PCDHA9: variants seen among roughly 807,000 people sequenced by gnomAD.
PCDHA9 encodes the protein protocadherin alpha 9, also known as protocadherin alpha-9.
In PCDHA9, 62 loss-of-function variants were observed where a neutral mutation model predicts 62.0. The observed-to-expected ratio is 1.00, with a 90% CI of 0.81 to 1.23. PCDHA9 has a LOEUF of 1.23. PCDHA9 is among the 50% of genes most tolerant of loss of function. The probability of loss-of-function intolerance (pLI) is 0.00; values close to 1 mark genes in which losing one functional copy is unlikely to be tolerated. For synonymous variants in PCDHA9, 557 were observed against 567.6 expected, an observed-to-expected ratio of 0.98 and a Z score of 0.27; for missense variants, 1,205 against 1,249.8, an observed-to-expected ratio of 0.96 and a Z score of 0.54.
intron 3 of PCDHA9, among the ~76,000 whole-genome samples, chr5:140,985,803 G>T (rs536777034): frequency 2.9e-5 from 4 of 139,766 alleles, no homozygotes; most frequent in Non-Finnish European, 6.0e-5. Context: ...GCAGTGGCAC[G>T]ATCTCAGCTC....
chr5:140,896,391 A>G (rs1438393041), intron 1 of PCDHA9, among the ~76,000 whole-genome samples: 2 of 152,040 alleles, frequency 1.3e-5, no homozygotes, highest in Non-Finnish European at 2.9e-5. Context: ...CCTCACCAGC[A>G]TCTGTTATTT....
intron 1 of PCDHA9, chr5:140,928,062 C>G: frequency 6.2e-7 from 1 of 1,614,194 alleles, no homozygotes; most frequent in Non-Finnish European, 8.5e-7. Context: ...TGACGGCTTC[C>G]TTTGACAACT....
chr5:140,976,374 A>G (rs1163913998), intron 1 of PCDHA9, among the ~76,000 whole-genome samples: 2 of 152,040 alleles, frequency 1.3e-5, no homozygotes, highest in Non-Finnish European at 2.9e-5. Context: ...AACATGGTGA[A>G]ACCCCATCTC....
At chr5:140,852,901 CA>C in intron 1 of PCDHA9, 4 of 823,926 alleles carry the variant, frequency 4.9e-6, no homozygotes, top group Non-Finnish European at 6.0e-6. Context: ...TTTTTTGAGT[CA>C]GAGTCTCGCT....
At chr5:140,935,850 G>A (rs2090589549) in intron 1 of PCDHA9, among the ~76,000 whole-genome samples, 1 of 149,422 alleles carries the variant, frequency 6.7e-6, no homozygotes, top group South Asian at 2.1e-4. Context: ...GCTTAATGGT[G>A]TCTTTTGATT....
At chr5:140,876,947 A>G in intron 1 of PCDHA9, 5 of 1,613,496 alleles carry the variant, frequency 3.1e-6, no homozygotes, top group South Asian at 1.1e-5. Flanking sequence ...CTGGTGTCCT[A>G]CTCGCTGGTG....
chr5:140,936,868 A>T (rs543976186), intron 1 of PCDHA9, among the ~76,000 whole-genome samples: 3 of 152,270 alleles, frequency 2.0e-5, no homozygotes, highest in South Asian at 2.1e-4. Flanking sequence ...TTTCTATTTT[A>T]AAAAACCCTG....
At chr5:140,931,035 C>A (rs2153606811) in intron 1 of PCDHA9, among the ~76,000 whole-genome samples, 1 of 152,250 alleles carries the variant, frequency 6.6e-6, no homozygotes, top group Non-Finnish European at 1.5e-5. Context: ...GTAGAGCTAG[C>A]AAGAAAAACT....
chr5:140,915,209 AG>A lies in PCDHA9; in HGVS notation c.2395-63739del, dbSNP rs2077027084. On this transcript the variant is annotated intron_variant, in intron 1 of 3. Coordinates refer to ENST00000532602, the MANE Select transcript of PCDHA9 (RefSeq NM_031857.2). ...TGATCCGCCCATCTTGGCCTCCCAAAGTGCTGGGATTACAGGCATGAGCCAC... is the reference window on the plus strand; with the variant it reads ...TGATCCGCCCATCTTGGCCTCCCAAATGCTGGGATTACAGGCATGAGCCAC... 2.6e-5 allele frequency among the ~76,000 whole-genome samples: 4 copies of A among 152,034 alleles called. No individual in the cohort carries two copies. The South Asian group carries it at 8.3e-4, about 32-fold the overall frequency.
intron 1 of PCDHA9, chr5:140,883,301 G>C (rs1380648584): frequency 1.2e-6 from 2 of 1,613,968 alleles, no homozygotes; most frequent in African/African-American, 1.3e-5. Flanking sequence ...AGATGTAAAT[G>C]ATAACGCCCC....
intron 1 of PCDHA9, chr5:140,852,584 T>TTA (rs2042387314): frequency 1.2e-6 from 1 of 824,154 alleles, no homozygotes. Context: ...GCTTTTTTAT[T>TTA]TTTTTTTTTT....
rs781841380 is a variant in PCDHA9 at position 140,857,728 on chromosome 5, C to A, written c.2394+6839C>A. 89 of 1,597,306 alleles carry A rather than the reference C, an allele frequency of 5.6e-5. 11 individuals are homozygous for A. Among genetic ancestry groups the A allele is most frequent in the Non-Finnish European group, 7.3e-5 (85 of 1,167,718 alleles). On this transcript the variant is annotated intron_variant, in intron 1 of 3. Transcript: ENST00000532602. ...TGTTCGTGCTGGACGAGAACGACAA[C>A]GCTCCCGCGCTGCTGGCGTCTCCCG...
chr5:140,968,035 G>A, intron 1 of PCDHA9: 1 of 1,614,184 alleles, frequency 6.2e-7, no homozygotes, highest in South Asian at 1.1e-5. Flanking sequence ...CACTGGTGGT[G>A]AGCGGCCCAC....
intron 1 of PCDHA9, among the ~76,000 whole-genome samples, chr5:140,885,719 T>C (rs1304075284): frequency 6.6e-6 from 1 of 152,210 alleles, no homozygotes; most frequent in Non-Finnish European, 1.5e-5. Flanking sequence ...TAATGTGATC[T>C]CTGTGAAATG....
At chr5:140,895,897 C>T (rs994708254) in intron 1 of PCDHA9, among the ~76,000 whole-genome samples, 25 of 152,240 alleles carry the variant, frequency 1.6e-4, no homozygotes, top group African/African-American at 5.3e-4. Flanking sequence ...CTGCAACCTC[C>T]GCGTCCCGGG....
chr5:140,869,698 T>C (rs782072995), intron 1 of PCDHA9: 4 of 1,613,236 alleles, frequency 2.5e-6, no homozygotes, highest in Middle Eastern at 1.6e-4. Context: ...TTTAAAGAAG[T>C]CTCTGGATAG....
At chr5:140,982,336 A>G in intron 2 of PCDHA9, 139 bp from the exon 3 acceptor site, 1 of 1,449,074 alleles carries the variant, frequency 6.9e-7, no homozygotes, top group Non-Finnish European at 9.2e-7. Context: ...GCTCAGCAGT[A>G]ATTGCTTCAG....
chr5:140,870,766 C>G, intron 1 of PCDHA9: 3 of 1,613,562 alleles, frequency 1.9e-6, no homozygotes, highest in South Asian at 1.1e-5. Context: ...GGTGTTCGTG[C>G]TGGACGAGAA....
intron 1 of PCDHA9, among the ~76,000 whole-genome samples, chr5:140,962,930 C>T (rs2095720492): frequency 6.6e-6 from 1 of 152,144 alleles, no homozygotes; most frequent in Admixed American, 6.5e-5. Context: ...TACTTCTCAA[C>T]CTCCTCTCCA....
Sources: allele counts gnomAD v4.1 joint callset (sites outside exome capture counted in the v4.1 genomes callset), GRCh38; gene constraint gnomAD v4.1.1; transcripts MANE v1.5; gene names NCBI Gene and HGNC (gene_info 2026-07-23, HGNC 2026-07-21).